The following OSBPL10 variants were observed in gnomAD, a reference collection of about 807,000 sequenced individuals.
OSBPL10 encodes oxysterol-binding protein-related protein 10.
A neutral mutation model predicts 81.7 loss-of-function variants in OSBPL10; 49 were observed. That is an observed-to-expected ratio of 0.60 (90% CI 0.48 to 0.76). OSBPL10 has a LOEUF of 0.76. Among genes scored for constraint, OSBPL10 ranks in the 30% least tolerant of loss-of-function variants. OSBPL10 has a pLI of 0.00. For missense variants in OSBPL10, 923 were observed against 987.8 expected (o/e 0.93, Z 0.88); for synonymous variants, 419 against 383.6 (o/e 1.09, Z -1.08).
rs78638551 is a variant in OSBPL10, at chr3:31,877,782, G to A, written c.458-1270C>T. On this transcript the variant is annotated intron_variant, in intron 2 of 11. Coordinates refer to ENST00000396556, the MANE Select transcript of OSBPL10 (RefSeq NM_017784.5). ...AAATGATTTGTCTGTCAAAAGGCCT[G>A]TTACACAAGTCTGATTTACAGTGTG... 7.2e-3 allele frequency among the ~76,000 whole-genome samples: 1,100 copies of A among 152,306 alleles called. 14 individuals are homozygous for A. Among genetic ancestry groups the A allele is most frequent in the African/African-American group, 0.025 (1,052 of 41,564 alleles).
intron 1 of OSBPL10, among the ~76,000 whole-genome samples, chr3:32,052,246 CA>C (rs112990726): frequency 0.1 from 9,161 of 89,846 alleles, 393 homozygotes; most frequent in Middle Eastern, 0.2. Flanking sequence ...GATCCTGTCA[CA>C]AAAAAAAAAA....
At chr3:31,970,018 A>G (rs1698511210) in intron 1 of OSBPL10, among the ~76,000 whole-genome samples, 1 of 152,148 alleles carries the variant, frequency 6.6e-6, no homozygotes, top group East Asian at 1.9e-4. Flanking sequence ...CAGTAATCTC[A>G]TCTATAAAAT....
chr3:31,956,896 C>G (rs1698025424), intron 1 of OSBPL10, among the ~76,000 whole-genome samples: 1 of 151,772 alleles, frequency 6.6e-6, no homozygotes, highest in Non-Finnish European at 1.5e-5. Flanking sequence ...ACTTTGGGAG[C>G]CTGAGGTGGG....
rs576806708 is a variant in OSBPL10, at chr3:31,798,325, G to A, written c.729+31715C>T. Among the ~76,000 whole-genome samples, 3 of 151,990 alleles carry A rather than the reference G, an allele frequency of 2.0e-5. No individual in the cohort carries two copies. The South Asian group carries it at 6.2e-4, about 32-fold the overall frequency. On this transcript the variant is annotated intron_variant, in intron 4 of 11. Coordinates refer to ENST00000396556, the MANE Select transcript of OSBPL10 (RefSeq NM_017784.5). ...GGTGCCTGTAATCCCAGCTACTCAG[G>A]AAGCCGAGGCAGGAGAATCATTTGA...
intron 2 of OSBPL10, among the ~76,000 whole-genome samples, chr3:31,997,324 G>A (rs1219368406): frequency 6.6e-6 from 1 of 151,572 alleles, no homozygotes; most frequent in African/African-American, 2.4e-5. Flanking sequence ...GAGTGCAGTG[G>A]TGCGATTTCG....
chr3:31,715,183 T>C (rs1696394920), intron 6 of OSBPL10, among the ~76,000 whole-genome samples: 1 of 152,192 alleles, frequency 6.6e-6, no homozygotes, highest in Non-Finnish European at 1.5e-5. Context: ...GTTAGTCACA[T>C]TTAGCTATTT....
At chr3:31,711,228 A>T (rs1020547083) in intron 6 of OSBPL10, among the ~76,000 whole-genome samples, 1 of 152,246 alleles carries the variant, frequency 6.6e-6, no homozygotes, top group East Asian at 1.9e-4. Flanking sequence ...CCTACTTTCC[A>T]ACTGGACCAG....
At chr3:31,959,220 C>A (rs1468960196) in intron 1 of OSBPL10, among the ~76,000 whole-genome samples, 5 of 152,126 alleles carry the variant, frequency 3.3e-5, no homozygotes, top group African/African-American at 1.2e-4. Flanking sequence ...TTAATGCAGT[C>A]TAATCAAATT....
At chr3:31,858,631 T>C (rs1700985472) in intron 3 of OSBPL10, among the ~76,000 whole-genome samples, 2 of 152,192 alleles carry the variant, frequency 1.3e-5, no homozygotes, top group Admixed American at 6.5e-5. Context: ...GGTGGCACTA[T>C]AGGGCTAGTT....
At chr3:31,743,625 G>A (rs990555239) in intron 5 of OSBPL10, among the ~76,000 whole-genome samples, 2 of 151,760 alleles carry the variant, frequency 1.3e-5, no homozygotes, top group Non-Finnish European at 2.9e-5. Flanking sequence ...AAATACACAA[G>A]ATCATAAATC....
chr3:32,075,430 T>C (rs559214508), intron 1 of OSBPL10, among the ~76,000 whole-genome samples: 3 of 152,200 alleles, frequency 2.0e-5, no homozygotes, highest in South Asian at 4.1e-4. Context: ...TCCTGGGTAC[T>C]CCCAACTCTT....
At chr3:31,675,323 G>T (rs1378908667) in intron 8 of OSBPL10, among the ~76,000 whole-genome samples, 1 of 152,210 alleles carries the variant, frequency 6.6e-6, no homozygotes, top group Non-Finnish European at 1.5e-5. Flanking sequence ...TTATACAGCT[G>T]AGATTTTCTT....
chr3:31,799,473 A>G (rs932604173), intron 4 of OSBPL10, among the ~76,000 whole-genome samples: 1 of 151,742 alleles, frequency 6.6e-6, no homozygotes, highest in African/African-American at 2.4e-5. Flanking sequence ...TCAGCTCCAC[A>G]TTATCTACCT....
At chr3:31,808,071 C>T (rs1219742969) in intron 4 of OSBPL10, among the ~76,000 whole-genome samples, 1 of 152,158 alleles carries the variant, frequency 6.6e-6, no homozygotes, top group Non-Finnish European at 1.5e-5. Context: ...AACTGAGCAG[C>T]TAGCTACAAT....
intron 1 of OSBPL10, among the ~76,000 whole-genome samples, chr3:31,926,517 A>T (rs1697080498): frequency 6.6e-6 from 1 of 152,140 alleles, no homozygotes; most frequent in Admixed American, 6.5e-5. Context: ...TCATGAGATT[A>T]CTATAAATTC....
At chr3:32,075,182 T>C (rs1012024435) in intron 1 of OSBPL10, among the ~76,000 whole-genome samples, 4 of 152,332 alleles carry the variant, frequency 2.6e-5, no homozygotes, top group African/African-American at 9.6e-5. Context: ...CTTTATCTGT[T>C]CCTCAAGCCC....
chr3:31,818,568 G>A (rs527859305), intron 4 of OSBPL10, among the ~76,000 whole-genome samples: 1 of 152,216 alleles, frequency 6.6e-6, no homozygotes, highest in African/African-American at 2.4e-5. Flanking sequence ...GGAGCCCAAC[G>A]GTCTGTGACT....
chr3:32,075,001 C>G (rs116110555), intron 1 of OSBPL10, among the ~76,000 whole-genome samples: 2,233 of 152,304 alleles, frequency 0.015, 58 homozygotes, highest in African/African-American at 0.051. Flanking sequence ...CCCCTCATGA[C>G]GCCAACACGA....
chr3:31,680,870 C>T (rs1700622907), intron 8 of OSBPL10, among the ~76,000 whole-genome samples: 1 of 152,172 alleles, frequency 6.6e-6, no homozygotes, highest in African/African-American at 2.4e-5. Context: ...TTCAGGCATC[C>T]ATCTCCCCTT....
Sources: gnomAD v4.1 joint callset for allele counts (sites outside exome capture counted in the v4.1 genomes callset) on GRCh38, gnomAD v4.1.1 for gene constraint, MANE v1.5 for transcripts, NCBI Gene and HGNC (gene_info 2026-07-23, HGNC 2026-07-21) for gene names.